Variants in B3GALNT1 observed in about 807,000 individuals in gnomAD.
B3GALNT1 encodes the protein UDP-GalNAc:beta-1,3-N-acetylgalactosaminyltransferase 1.
B3GALNT1 carries 17 observed loss-of-function variants against 27.3 expected under a neutral mutation model. The ratio of observed to expected loss-of-function variants is 0.62; its 90% CI spans 0.43 to 0.94. B3GALNT1 has a LOEUF of 0.94. B3GALNT1 is among the 40% of genes least tolerant of loss of function. The probability of loss-of-function intolerance (pLI) is 0.00; values close to 1 mark genes in which losing one functional copy is unlikely to be tolerated. For synonymous variants in B3GALNT1, 141 were observed against 144.0 expected, an observed-to-expected ratio of 0.98 and a Z score of 0.15; for missense variants, 347 against 390.0, an observed-to-expected ratio of 0.89 and a Z score of 0.93.
Position 161,104,318 on chromosome 3 carries a change from C to T in B3GALNT1, c.-221+1G>A. On this transcript the variant is annotated splice_donor_variant, in intron 2 of 4. Transcript: ENST00000320474. LOFTEE classifies it low-confidence loss of function (5UTR_SPLICE). ...ACACTGCAAACCCAAATTTTCCTTA[C>T]CTCTGAAAACAGAAAAAAAGACATG... 7.8e-7 allele frequency: 1 copy of T among 1,289,674 alleles called. No individual in the cohort carries two copies. Among genetic ancestry groups the T allele is most frequent in the South Asian group, 1.2e-5 (1 of 81,004 alleles). 79.9% of individuals were successfully genotyped at this position (1,289,674 alleles called of 1,614,324 possible). A position where few individuals can be genotyped will look rare whatever the true frequency, so the allele number is the denominator to read the frequency against.
intron 4 of B3GALNT1, among the ~76,000 whole-genome samples, chr3:161,087,674 T>C (rs1460948163): frequency 6.6e-6 from 1 of 152,184 alleles, no homozygotes; most frequent in African/African-American, 2.4e-5. Flanking sequence ...GCACAGAACA[T>C]TCAGATTGTG....
chr3:161,101,792 T>C (rs1731426145), intron 3 of B3GALNT1, among the ~76,000 whole-genome samples: 2 of 152,194 alleles, frequency 1.3e-5, no homozygotes, highest in Non-Finnish European at 2.9e-5. Flanking sequence ...TATTTAATAC[T>C]AAGAGATAAA....
intron 4 of B3GALNT1, among the ~76,000 whole-genome samples, chr3:161,094,950 A>C (rs1239628665): frequency 1.3e-5 from 2 of 152,034 alleles, no homozygotes; most frequent in African/African-American, 4.8e-5. Context: ...TCCTATTTCA[A>C]CCACAATGGC....
At chr3:161,097,806 G>A (rs768480317) in intron 4 of B3GALNT1, among the ~76,000 whole-genome samples, 1 of 152,166 alleles carries the variant, frequency 6.6e-6, no homozygotes, top group Non-Finnish European at 1.5e-5. Flanking sequence ...TAGTGCGTGT[G>A]ATATTCAAGT....
rs1181634823 is a variant in B3GALNT1 at position 161,086,779 on chromosome 3, G to A, written c.-25C>T. 5.6e-6 allele frequency: 9 copies of A among 1,612,844 alleles called. No individual in the cohort carries two copies. Among genetic ancestry groups the A allele is most frequent in the Non-Finnish European group, 8.5e-7 (1 of 1,179,510 alleles). The stretch of plus-strand genomic sequence containing the variant: ...TCCACAGCAGCTCAGAAGCACGCGA[G>A]CCGAAGGTTCTGGAAGAGTTATCAA... On this transcript the variant is annotated 5_prime_UTR_variant, in exon 5 of 5. Transcript: ENST00000320474.
At chr3:161,101,589 CACA>C (rs1012353855) in intron 3 of B3GALNT1, among the ~76,000 whole-genome samples, 2 of 152,218 alleles carry the variant, frequency 1.3e-5, no homozygotes, top group South Asian at 2.1e-4. Context: ...GTGGAAGACT[CACA>C]ACGACACATT....
chr3:161,091,262 G>A (rs1051259529), intron 4 of B3GALNT1, among the ~76,000 whole-genome samples: 14 of 151,828 alleles, frequency 9.2e-5, no homozygotes, highest in Admixed American at 2.0e-4. Context: ...AAGCGTGACC[G>A]TTTCAAAAAT....
chr3:161,095,639 CG>C (rs1559994798), intron 4 of B3GALNT1, among the ~76,000 whole-genome samples: 1 of 152,134 alleles, frequency 6.6e-6, no homozygotes. Context: ...GCCTTGAAGG[CG>C]GGAAGTGGGG....
At chr3:161,092,077 C>T (rs1405381351) in intron 4 of B3GALNT1, among the ~76,000 whole-genome samples, 1 of 152,086 alleles carries the variant, frequency 6.6e-6, no homozygotes, top group Admixed American at 6.6e-5. Context: ...AATGATGGAA[C>T]AAACACCTAT....
In B3GALNT1 at chr3:161,101,222, G is replaced by C; in HGVS notation, c.-118C>G. ...AGCCAACAGGTCAACCGGGTCCAGG[G>C]AGCTAAGAAAACTGGAGCAGAGCAA... On this transcript the variant is annotated 5_prime_UTR_variant, in exon 4 of 5. Transcript: ENST00000320474. The C allele has an allele frequency of 7.8e-7, 1 of 1,289,866 alleles. No homozygotes were observed. The highest frequency in any genetic ancestry group is 1.2e-5 in the South Asian group (1 of 81,032). The allele number at this position is 1,289,866 out of a possible 1,614,324, so 79.9% of individuals were successfully genotyped here.
chr3:161,088,433 C>T (rs1723194873), intron 4 of B3GALNT1, among the ~76,000 whole-genome samples: 2 of 152,300 alleles, frequency 1.3e-5, no homozygotes, highest in East Asian at 1.9e-4. Flanking sequence ...GGGAGGCCTA[C>T]AGCAGGAGTG....
At chr3:161,103,317 C>A (rs1732406829) in intron 3 of B3GALNT1, 110 bp downstream of exon 3, 1 of 372,804 alleles carries the variant, frequency 2.7e-6, no homozygotes, top group East Asian at 7.8e-5. Context: ...CTAGAATATA[C>A]AACAAACTTC....
intron 4 of B3GALNT1, among the ~76,000 whole-genome samples, chr3:161,092,845 C>T (rs1010362303): frequency 1.4e-5 from 2 of 143,614 alleles, no homozygotes; most frequent in South Asian, 2.2e-4. Context: ...CGGCTCACTG[C>T]GCCTCCCGGG....
chr3:161,099,528 A>C (rs1730045185), intron 4 of B3GALNT1, among the ~76,000 whole-genome samples: 1 of 152,220 alleles, frequency 6.6e-6, no homozygotes, highest in Non-Finnish European at 1.5e-5. Flanking sequence ...GTAAAGGAAT[A>C]ACTGGGCAGT....
intron 4 of B3GALNT1, chr3:161,090,045 G>C (rs950288153): frequency 2.2e-5 from 4 of 185,088 alleles, no homozygotes; most frequent in African/African-American, 4.7e-5. Flanking sequence ...CTCCAGCCTG[G>C]GCAACAGAGC....
At chr3:161,100,569 G>T (rs1233251218) in intron 4 of B3GALNT1, among the ~76,000 whole-genome samples, 1 of 152,166 alleles carries the variant, frequency 6.6e-6, no homozygotes, top group Non-Finnish European at 1.5e-5. Context: ...TATATATACT[G>T]TTATACAAAC....
chr3:161,088,951 T>C (rs1723498336), intron 4 of B3GALNT1, among the ~76,000 whole-genome samples: 1 of 152,204 alleles, frequency 6.6e-6, no homozygotes, highest in Non-Finnish European at 1.5e-5. Context: ...TGTCTATCAT[T>C]TATGGACCCA....
chr3:161,090,821 G>A (rs775236662), intron 4 of B3GALNT1, among the ~76,000 whole-genome samples: 3 of 152,076 alleles, frequency 2.0e-5, no homozygotes, highest in Non-Finnish European at 2.9e-5. Context: ...GTTTCAACTC[G>A]GTAGCTACTA....
chr3:161,103,539 AATAT>A (rs1021215957), intron 2 of B3GALNT1, 22 bp from the exon 3 acceptor site: 9 of 1,003,756 alleles, frequency 9.0e-6, no homozygotes, highest in Non-Finnish European at 1.2e-5. Flanking sequence ...AACAGAAAAA[AATAT>A]ATATGAGTCA....
Sources: gnomAD v4.1 joint callset for allele counts (sites outside exome capture counted in the v4.1 genomes callset) on GRCh38, gnomAD v4.1.1 for gene constraint, MANE v1.5 for transcripts, NCBI Gene and HGNC (gene_info 2026-07-23, HGNC 2026-07-21) for gene names.